The following SND1 variants were observed in gnomAD, a reference collection of about 807,000 sequenced individuals.
SND1 encodes staphylococcal nuclease and tudor domain containing 1.
A neutral mutation model predicts 121.7 loss-of-function variants in SND1; 38 were observed. The observed-to-expected ratio is 0.31, with a 90% CI of 0.24 to 0.41. The LOEUF (loss-of-function observed/expected upper bound fraction) is 0.41. Among genes scored for constraint, SND1 ranks in the 10% least tolerant of loss-of-function variants. The probability of loss-of-function intolerance (pLI) is 1.00; values close to 1 mark genes in which losing one functional copy is unlikely to be tolerated. For missense variants in SND1, 868 were observed against 1,184.6 expected (o/e 0.73, Z 3.92); for synonymous variants, 401 against 447.4 (o/e 0.90, Z 1.31).
chr7:127,751,767 C>G (rs1461385713), intron 10 of SND1, among the ~76,000 whole-genome samples: 1 of 152,226 alleles, frequency 6.6e-6, no homozygotes, highest in Non-Finnish European at 1.5e-5. Context: ...TTGTTGTGAA[C>G]AAATGACCCT....
intron 11 of SND1, among the ~76,000 whole-genome samples, chr7:127,818,885 T>G (rs1798496194): frequency 1.3e-5 from 2 of 152,210 alleles, no homozygotes; most frequent in Non-Finnish European, 2.9e-5. Context: ...GGTCTTTGAT[T>G]AGAAGTTTAG....
At chr7:127,957,651 A>T (rs552563852) in intron 15 of SND1, among the ~76,000 whole-genome samples, 27 of 152,228 alleles carry the variant, frequency 1.8e-4, no homozygotes, top group Admixed American at 5.9e-4. Context: ...TTAGACTAAG[A>T]ATTGTGTGAT....
intron 15 of SND1, among the ~76,000 whole-genome samples, chr7:127,982,185 T>C (rs1382513300): frequency 6.6e-6 from 1 of 152,246 alleles, no homozygotes; most frequent in African/African-American, 2.4e-5. Flanking sequence ...GATGCTTCTC[T>C]TCTCTTCCCC....
intron 15 of SND1, among the ~76,000 whole-genome samples, chr7:127,975,424 C>T (rs964305446): frequency 2.0e-5 from 3 of 147,560 alleles, no homozygotes; most frequent in Middle Eastern, 3.4e-3. Flanking sequence ...TGACTCCCCT[C>T]GTGTGTGTGT....
intron 11 of SND1, among the ~76,000 whole-genome samples, chr7:127,832,894 C>T (rs1798787999): frequency 6.6e-6 from 1 of 152,208 alleles, no homozygotes; most frequent in African/African-American, 2.4e-5. Flanking sequence ...GTGTGAACTA[C>T]ACGTGCGAGG....
At chr7:127,747,804 G>A (rs760963830) in intron 10 of SND1, among the ~76,000 whole-genome samples, 1 of 152,138 alleles carries the variant, frequency 6.6e-6, no homozygotes, top group African/African-American at 2.4e-5. Flanking sequence ...TCACCATGTC[G>A]TATTGTCACT....
intron 15 of SND1, among the ~76,000 whole-genome samples, chr7:127,935,207 T>G (rs1239994984): frequency 6.6e-6 from 1 of 152,184 alleles, no homozygotes; most frequent in Non-Finnish European, 1.5e-5. Context: ...CAGATTGCAC[T>G]TCCCTGATAT....
chr7:127,762,862 A>G (rs1032316782), intron 10 of SND1, among the ~76,000 whole-genome samples: 7 of 152,316 alleles, frequency 4.6e-5, no homozygotes, highest in East Asian at 3.9e-4. Flanking sequence ...TGTATATGCA[A>G]TGGCATCATG....
At chr7:127,757,410 C>T (rs538932392) in intron 10 of SND1, among the ~76,000 whole-genome samples, 14 of 152,262 alleles carry the variant, frequency 9.2e-5, no homozygotes, top group South Asian at 6.2e-4. Flanking sequence ...TTGGTGGATG[C>T]GCACATTCGT....
chr7:128,024,301 CG>C (rs1438194479), intron 16 of SND1, among the ~76,000 whole-genome samples: 1 of 152,100 alleles, frequency 6.6e-6, no homozygotes, highest in Non-Finnish European at 1.5e-5. Context: ...TTAGAAATGG[CG>C]TGAACAGTGC....
intron 4 of SND1, among the ~76,000 whole-genome samples, chr7:127,699,328 T>TTAG: frequency 6.6e-6 from 1 of 152,354 alleles, no homozygotes; most frequent in Non-Finnish European, 1.5e-5. Flanking sequence ...GTGAATAGAC[T>TTAG]TAGCTTCTGC....
chr7:127,724,277 G>A (rs1211483624), intron 10 of SND1, among the ~76,000 whole-genome samples: 1 of 152,218 alleles, frequency 6.6e-6, no homozygotes. Context: ...AGGCTACTTT[G>A]AGGAAGTGAC....
intron 3 of SND1, among the ~76,000 whole-genome samples, chr7:127,696,062 T>A (rs1239202606): frequency 6.6e-6 from 1 of 152,246 alleles, no homozygotes; most frequent in Non-Finnish European, 1.5e-5. Context: ...TTCATTGAAC[T>A]ATTTGTGGAG....
intron 5 of SND1, among the ~76,000 whole-genome samples, chr7:127,701,708 C>T (rs1036168874): frequency 3.3e-5 from 5 of 152,150 alleles, no homozygotes; most frequent in African/African-American, 1.2e-4. Flanking sequence ...GGTTCCAGGA[C>T]CCTATCCCGC....
chr7:127,993,853 C>A (rs892429049), intron 16 of SND1, among the ~76,000 whole-genome samples: 3 of 152,196 alleles, frequency 2.0e-5, no homozygotes, highest in Non-Finnish European at 4.4e-5. Flanking sequence ...CCTGTGTGAT[C>A]CGACAGAGGC....
intron 15 of SND1, among the ~76,000 whole-genome samples, chr7:127,935,759 A>ATT (rs1276670830): frequency 2.6e-5 from 4 of 152,176 alleles, no homozygotes; most frequent in African/African-American, 9.7e-5. Context: ...TGCACCCTCC[A>ATT]TTATGTAAGT....
intron 15 of SND1, among the ~76,000 whole-genome samples, chr7:127,946,535 A>T (rs1347610103): frequency 1.3e-5 from 2 of 152,222 alleles, no homozygotes; most frequent in Non-Finnish European, 2.9e-5. Flanking sequence ...CTCTTTTCTA[A>T]TATGGAGGTG....
At chr7:127,950,132 T>C (rs1801427471) in intron 15 of SND1, among the ~76,000 whole-genome samples, 1 of 152,224 alleles carries the variant, frequency 6.6e-6, no homozygotes, top group South Asian at 2.1e-4. Context: ...AGAATTTGCA[T>C]TTCTAGCAAG....
At chr7:128,078,396 C>G (rs1402508197) in intron 17 of SND1, among the ~76,000 whole-genome samples, 1 of 152,248 alleles carries the variant, frequency 6.6e-6, no homozygotes, top group Non-Finnish European at 1.5e-5. Flanking sequence ...CTCCTACCCT[C>G]TGTATGCTTC....
Sources: allele counts gnomAD v4.1 joint callset (sites outside exome capture counted in the v4.1 genomes callset), GRCh38; gene constraint gnomAD v4.1.1; transcripts MANE v1.5; gene names NCBI Gene and HGNC (gene_info 2026-07-23, HGNC 2026-07-21).